The following ATP6V1B1 variants were observed in gnomAD, a reference collection of about 807,000 sequenced individuals.
The protein encoded by ATP6V1B1 is V-type proton ATPase subunit B, kidney isoform.
ATP6V1B1 carries 41 observed loss-of-function variants against 62.1 expected under a neutral mutation model. The observed-to-expected ratio is 0.66, with a 90% CI of 0.51 to 0.86. ATP6V1B1 has a LOEUF of 0.86. ATP6V1B1 is among the 40% of genes least tolerant of loss of function. The pLI, the probability that ATP6V1B1 is intolerant of heterozygous loss-of-function variation, is 0.00. For synonymous variants in ATP6V1B1, 253 were observed against 273.4 expected (o/e 0.93, Z 0.74); for missense variants, 651 against 697.5 (o/e 0.93, Z 0.75).
chr2:70,959,192 G>A lies in ATP6V1B1; in HGVS notation c.445+97G>A. 2 of 1,366,392 alleles carry A rather than the reference G, an allele frequency of 1.5e-6. No homozygotes were observed. Among genetic ancestry groups the A allele is most frequent in the Non-Finnish European group, 2.1e-6 (2 of 965,144 alleles). 84.6% of individuals were successfully genotyped at this position (1,366,392 alleles called of 1,614,324 possible). A position where few individuals can be genotyped will look rare whatever the true frequency, so the allele number is the denominator to read the frequency against. ...CCAGACTCACAAGCAGATCAGATGT[G>A]ATGGGAGAGCAGCAAAGGCCTCTCT... is the stretch of plus-strand genomic sequence containing the variant. On this transcript the variant is annotated intron_variant, in intron 5 of 13. Coordinates refer to ENST00000234396, the MANE Select transcript of ATP6V1B1 (RefSeq NM_001692.4). This position sits in a 1 kb window ranked among gnomAD's most constrained non-coding sequence, Gnocchi z 4.2.
chr2:70,953,998 ATTAT>A (rs1680377682), intron 2 of ATP6V1B1, among the ~76,000 whole-genome samples: 1 of 152,164 alleles, frequency 6.6e-6, no homozygotes, highest in African/African-American at 2.4e-5. Context: ...TATCCCAACA[ATTAT>A]TTATTCATGC....
chr2:70,936,457 G>A (rs1342247203), intron 1 of ATP6V1B1, among the ~76,000 whole-genome samples: 2 of 152,094 alleles, frequency 1.3e-5, no homozygotes, highest in African/African-American at 4.8e-5. Flanking sequence ...AGAGTCAGGC[G>A]GGGTGTGATT....
rs1226876982 is a variant in ATP6V1B1 at position 70,959,484 on chromosome 2, G to C, written c.445+389G>C. On this transcript the variant is annotated intron_variant, in intron 5 of 13. Coordinates refer to ENST00000234396, the MANE Select transcript of ATP6V1B1 (RefSeq NM_001692.4). The surrounding 1 kb of genome is among the most constrained non-coding windows in gnomAD (Gnocchi z 4.2). ...GGAGGCCTGTGGGAGCCCGTGGCTT[G>C]CCCTACGCCACACAGAAAGTCAGTG... 2.0e-5 allele frequency among the ~76,000 whole-genome samples: 3 copies of C among 152,222 alleles called. No individual in the cohort carries two copies. The highest frequency in any genetic ancestry group is 1.3e-4 in the Admixed American group (2 of 15,286).
At chr2:70,945,697 AAG>A (rs1230050317) in intron 2 of ATP6V1B1, among the ~76,000 whole-genome samples, 725 of 38,280 alleles carry the variant, frequency 0.019, 65 homozygotes, top group South Asian at 0.045. Context: ...TGGCTATTTG[AAG>A]AGATATATAT....
At position 70,964,495 on chromosome 2, in the gene ATP6V1B1, G is replaced by T. The variant is rs782721163; in HGVS notation, c.1201G>T (p.Gly401Trp). The change falls in exon 12 of 14, where the codon GGG becomes TGG. Residue 401 changes from glycine (G) to tryptophan (W), a missense_variant. Gly to Trp is a radical substitution (Grantham distance 184). Transcript: ENST00000234396. ...GTCGCGGCTGATGAAGTCAGCCATT[G>T]GGGAAGGCATGACAAGAAAGGACCA... Reference protein sequence around the residue: ...SLSRLMKSAIGEGMTRKDHGD... With the variant: ...SLSRLMKSAIWEGMTRKDHGD... The T allele has an allele frequency of 2.5e-6, 4 of 1,614,142 alleles. No homozygotes were observed. The highest frequency in any genetic ancestry group is 3.4e-6 in the Non-Finnish European group (4 of 1,180,034).
intron 8 of ATP6V1B1, among the ~76,000 whole-genome samples, chr2:70,961,994 C>T (rs1176680349): frequency 1.3e-5 from 2 of 152,206 alleles, no homozygotes; most frequent in African/African-American, 4.8e-5. Flanking sequence ...CACAAAGTCA[C>T]CCCAAGAAGA....
intron 1 of ATP6V1B1, 135 bp from the exon 2 acceptor site, chr2:70,943,523 C>T (rs782530113): frequency 3.2e-5 from 30 of 932,380 alleles, no homozygotes; most frequent in African/African-American, 8.1e-5. Flanking sequence ...GGCCCTGTCA[C>T]AGCTAATGAC....
chr2:70,963,029 G>A lies in ATP6V1B1; in HGVS notation c.909+129G>A. The A allele has an allele frequency of 6.3e-7, 1 of 1,598,668 alleles. No homozygotes were observed. On this transcript the variant is annotated intron_variant, in intron 9 of 13. Transcript: ENST00000234396. The surrounding 1 kb of genome is among the most constrained non-coding windows in gnomAD (Gnocchi z 4.3). ...CTGCCCCACTCCCATGAGTTCCAGG[G>A]CTTGGTCTCAGCCTGGCCATTCCTC...
In ATP6V1B1 at chr2:70,958,350, A is replaced by G; in HGVS notation, c.291A>G (p.Ser97=). Residue 97 remains serine, a synonymous_variant, in exon 4 of 14, where the codon TCA becomes TCG. Coordinates refer to ENST00000234396, the MANE Select transcript of ATP6V1B1 (RefSeq NM_001692.4). ...TCCCACAGGTGTTTGAAGGGACATC[A>G]GGGATCGATGCCAGGAAGACCACTT... ...KAIVQVFEGT[S]GIDARKTTCE... 1 of 1,612,160 alleles carries G rather than the reference A, an allele frequency of 6.2e-7. No homozygotes were observed. Among genetic ancestry groups the G allele is most frequent in the Non-Finnish European group, 8.5e-7 (1 of 1,178,752 alleles).
chr2:70,943,338 A>C, intron 1 of ATP6V1B1: 1 of 539,790 alleles, frequency 1.9e-6, no homozygotes, highest in Non-Finnish European at 3.4e-6. Flanking sequence ...GGAGTGGGTG[A>C]GGTGGGGGTT....
Position 70,958,148 on chromosome 2 carries a change from A to C in ATP6V1B1, c.273+4A>C. ...TGGCACCAAGGCGATTGTTCAGGTGAGTGGGGTCAATGGGACATTGGCTAG... is the reference window on the plus strand; with the variant it reads ...TGGCACCAAGGCGATTGTTCAGGTGCGTGGGGTCAATGGGACATTGGCTAG... On this transcript the variant is annotated splice_donor_region_variant and intron_variant, in intron 3 of 13. Coordinates refer to ENST00000234396, the MANE Select transcript of ATP6V1B1 (RefSeq NM_001692.4). 4 of 1,613,852 alleles carry C rather than the reference A, an allele frequency of 2.5e-6. No individual in the cohort carries two copies. Among genetic ancestry groups the C allele is most frequent in the Non-Finnish European group, 3.4e-6 (4 of 1,179,904 alleles).
chr2:70,945,201 T>A (rs1553417128), intron 2 of ATP6V1B1, among the ~76,000 whole-genome samples: 1 of 152,212 alleles, frequency 6.6e-6, no homozygotes, highest in African/African-American at 2.4e-5. Flanking sequence ...AAAGCAGTGA[T>A]GAGCACAAAT....
intron 1 of ATP6V1B1, chr2:70,938,588 C>G: frequency 2.0e-6 from 2 of 985,354 alleles, no homozygotes; most frequent in Non-Finnish European, 1.2e-6. Context: ...ACTGCAGTGG[C>G]TGAGAGAGGA....
rs147229014 is a variant in ATP6V1B1 at position 70,964,530 on chromosome 2, C to G, written c.1236C>G (p.Val412=). The G allele has an allele frequency of 7.2e-5, 117 of 1,614,184 alleles. No homozygotes were observed. The African/African-American group carries it at 1.2e-3, about 17-fold the overall frequency. ...TGACAAGAAAGGACCATGGAGATGT[C>G]TCCAACCAGCTGGTAAGGAGAAGAG... The part of the protein sequence containing the change: ...EGMTRKDHGD[V]SNQLYACYAI... Residue 412 remains valine (V), a synonymous_variant, in exon 12 of 14, where the codon GTC becomes GTG. Transcript: ENST00000234396.
rs1392959740 is a variant in ATP6V1B1, at chr2:70,963,019, G to T, written c.909+119G>T. ...CCACCCAAGCCTGCCCCACTCCCAT[G>T]AGTTCCAGGGCTTGGTCTCAGCCTG... On this transcript the variant is annotated intron_variant, in intron 9 of 13. Transcript: ENST00000234396. The surrounding 1 kb of genome is among the most constrained non-coding windows in gnomAD (Gnocchi z 4.3). The T allele has an allele frequency of 1.9e-6, 3 of 1,598,536 alleles. No individual in the cohort carries two copies. Among genetic ancestry groups the T allele is most frequent in the Non-Finnish European group, 2.6e-6 (3 of 1,172,188 alleles).
chr2:70,962,557 C>T (rs1680614580), intron 8 of ATP6V1B1, among the ~76,000 whole-genome samples: 1 of 152,222 alleles, frequency 6.6e-6, no homozygotes, highest in Admixed American at 6.5e-5. Context: ...CCCCTGTCCC[C>T]TTTCCTACCT....
chr2:70,947,662 G>A (rs1464026820), intron 2 of ATP6V1B1: 1 of 152,240 alleles, frequency 6.6e-6, no homozygotes, highest in African/African-American at 2.4e-5. Flanking sequence ...GGACCTTAGA[G>A]GCAGCATTCC....
At chr2:70,960,893 T>C (rs1553419920) in intron 6 of ATP6V1B1, 28 bp from the exon 7 acceptor site, 1 of 1,584,688 alleles carries the variant, frequency 6.3e-7, no homozygotes, top group Non-Finnish European at 8.6e-7. Flanking sequence ...GACTCTGACG[T>C]CCTCCTGCCC....
intron 1 of ATP6V1B1, chr2:70,940,907 C>CTTTTTTTTTTTTTTTTTTTTTTTTT (rs782110711): frequency 8.7e-6 from 6 of 685,730 alleles, no homozygotes; most frequent in African/African-American, 2.7e-5. Context: ...TTTTCTTTTT[C>CTTTTTTTTTTTTTTTTTTTTTTTTT]TTTTTCTTTT....
Sources: gnomAD v4.1 joint callset for allele counts (sites outside exome capture counted in the v4.1 genomes callset) on GRCh38, gnomAD v4.1.1 for gene constraint, Gnocchi (gnomAD v3.1) non-coding constraint, MANE v1.5 for transcripts, NCBI Gene and HGNC (gene_info 2026-07-23, HGNC 2026-07-21) for gene names.